COBLL1: variants seen among roughly 807,000 people sequenced by gnomAD.
COBLL1 encodes the protein cordon-bleu protein-like 1.
COBLL1 carries 50 observed loss-of-function variants against 94.8 expected under a neutral mutation model. The observed-to-expected ratio is 0.53, with a 90% CI of 0.42 to 0.67. The LOEUF is 0.67. Ranked by LOEUF, COBLL1 falls within the 30% of genes least tolerant of loss-of-function variation. The probability of loss-of-function intolerance (pLI) is 0.00; values close to 1 mark genes in which losing one functional copy is unlikely to be tolerated. For missense variants in COBLL1, 1,362 were observed against 1,348.7 expected (o/e 1.01, Z -0.15); for synonymous variants, 448 against 473.8 (o/e 0.95, Z 0.71).
At chr2:164,663,152 T>C (rs1691098362) in intron 2 of COBLL1, among the ~76,000 whole-genome samples, 1 of 152,204 alleles carries the variant, frequency 6.6e-6, no homozygotes, top group African/African-American at 2.4e-5. Context: ...CTTCGTTTAA[T>C]ATTCTGAGGG....
intron 2 of COBLL1, among the ~76,000 whole-genome samples, chr2:164,826,938 GGTTTTTT>G (rs1374808979): frequency 3.3e-5 from 5 of 150,660 alleles, no homozygotes; most frequent in African/African-American, 9.7e-5. Flanking sequence ...TTGTTTTGTG[GGTTTTTT>G]GTTTTTTGTT....
chr2:164,824,020 C>T (rs1685311201), intron 2 of COBLL1, among the ~76,000 whole-genome samples: 1 of 151,918 alleles, frequency 6.6e-6, no homozygotes, highest in Non-Finnish European at 1.5e-5. Context: ...TTAAAATAGC[C>T]TATAATATAA....
In COBLL1 at chr2:164,682,367, C is replaced by T. The variant is rs1683079022; in HGVS notation, c.*3579G>A. ...AAAATGATGAGTTTGATTCTTAGTT[C>T]TTTGATACTTATTTTCTCTACTGGT... On this transcript the variant is annotated 3_prime_UTR_variant, in exon 14 of 14. Transcript: ENST00000652658. The T allele has an allele frequency of 6.6e-6, 1 of 152,132 alleles. No homozygotes were observed. The highest frequency in any genetic ancestry group is 1.9e-4 in the East Asian group (1 of 5,204). The allele number at this position is 152,132 out of a possible 1,614,324, so 9.4% of individuals were successfully genotyped here.
At chr2:164,676,688 T>TCCCCCC (rs199604109), downstream of COBLL1, among the ~76,000 whole-genome samples, 1 of 149,386 alleles carries the variant, frequency 6.7e-6, no homozygotes, top group African/African-American at 2.5e-5. Context: ...TTTTTTTTTT[T>TCCCCCC]CCCCCCCTTT....
In COBLL1 at chr2:164,774,667, C is replaced by T. The variant is rs949919638; in HGVS notation, c.42-30792G>A. On this transcript the variant is annotated intron_variant, in intron 2 of 13. Coordinates refer to ENST00000652658, the MANE Select transcript of COBLL1 (RefSeq NM_001365672.2). ...CTGTGACTGGCACTTGCTTTCTAGC[C>T]TTGACTGTCTCTTATACAGCTCTAC... Among the ~76,000 whole-genome samples the T allele has an allele frequency of 2.0e-5, 3 of 152,118 alleles. No homozygotes were observed. In the East Asian group the frequency reaches 5.8e-4, roughly 29 times the overall value.
intron 12 of COBLL1, among the ~76,000 whole-genome samples, chr2:164,693,213 A>G (rs995128070): frequency 2.0e-5 from 3 of 152,176 alleles, no homozygotes; most frequent in African/African-American, 7.2e-5. Context: ...CTATTCCAAG[A>G]AAAATCACAG....
intron 9 of COBLL1, among the ~76,000 whole-genome samples, chr2:164,702,132 AAT>A (rs1032472142): frequency 6.6e-6 from 1 of 152,170 alleles, no homozygotes; most frequent in Non-Finnish European, 1.5e-5. Flanking sequence ...CTCAATAAAA[AAT>A]ATTTTAAAAT....
At chr2:164,838,733 G>T (rs1018261858) in intron 2 of COBLL1, among the ~76,000 whole-genome samples, 8 of 152,164 alleles carry the variant, frequency 5.3e-5, no homozygotes, top group Non-Finnish European at 1.2e-4. Flanking sequence ...GAAAATTACA[G>T]AGGAATTCTT....
chr2:164,695,339 G>T lies in COBLL1; in HGVS notation c.2053C>A (p.Leu685Ile), dbSNP rs1328647528. The T allele has an allele frequency of 6.2e-7, 1 of 1,613,838 alleles. No homozygotes were observed. The highest frequency in any genetic ancestry group is 1.3e-5 in the African/African-American group (1 of 74,876). Residue 685 changes from leucine (L) to isoleucine (I), a missense_variant, in exon 12 of 14, where the codon CTT becomes ATT. Transcript: ENST00000652658. ...DPICAHGNDD[L>I]LPPVDRIDKN... The stretch of plus-strand genomic sequence containing the variant: ...TCAATCCTATCTACAGGAGGCAAAA[G>T]ATCATCATTACCATGTGCACAAATT...
chr2:164,700,544 CT>C lies in COBLL1; in HGVS notation c.1437del (p.Glu480LysfsTer13). 6.2e-7 allele frequency: 1 copy of C among 1,613,268 alleles called. No homozygotes were observed. Among genetic ancestry groups the C allele is most frequent in the Non-Finnish European group, 8.5e-7 (1 of 1,179,428 alleles). On this transcript the variant is annotated frameshift_variant, in exon 10 of 14. Transcript: ENST00000652658. LOFTEE classifies it high-confidence loss of function. ...EFSQNSMEEK[Q>X]ETKSTDGQEP... ...TACTGTCCATCTGTGCTTTTAGTTT[CT>C]TGTTTTTCTTCCATGGAGTTTTGTG...
At chr2:164,794,120 A>C (rs1683320183) in intron 2 of COBLL1, among the ~76,000 whole-genome samples, 1 of 152,218 alleles carries the variant, frequency 6.6e-6, no homozygotes, top group Non-Finnish European at 1.5e-5. Context: ...CTCTTTGTTA[A>C]GAAAAAGAAT....
intron 2 of COBLL1, among the ~76,000 whole-genome samples, chr2:164,761,878 A>G (rs1687700172): frequency 6.6e-6 from 1 of 152,206 alleles, no homozygotes; most frequent in Admixed American, 6.5e-5. Context: ...AGGCAGCTCT[A>G]TGCCAAGTAC....
At chr2:164,785,987 T>C (rs566627508) in intron 2 of COBLL1, among the ~76,000 whole-genome samples, 1 of 151,920 alleles carries the variant, frequency 6.6e-6, no homozygotes, top group South Asian at 2.1e-4. Context: ...GGAATTGAAA[T>C]GAAGCAGTCA....
At chr2:164,808,555 A>T (rs866097633) in intron 2 of COBLL1, among the ~76,000 whole-genome samples, 1 of 152,216 alleles carries the variant, frequency 6.6e-6, no homozygotes, top group African/African-American at 2.4e-5. Context: ...GTTAAATAAA[A>T]ATTGATAAGG....
At position 164,705,074 on chromosome 2, in the gene COBLL1, C is replaced by G. The variant is rs1186494209; in HGVS notation, c.1028G>C (p.Gly343Ala). ...SPCEAGRVRA[G>A]SLQLSSMSAG... ...AGACATGCTGCTGAGCTGCAGTGAA[C>G]CTGCCCTCACTCTTCCTGCTTCACA... Residue 343 changes from glycine (G) to alanine (A), a missense_variant, in exon 8 of 14, where the codon GGT (glycine) becomes GCT (alanine). Coordinates refer to ENST00000652658, the MANE Select transcript of COBLL1 (RefSeq NM_001365672.2). 1 of 1,570,772 alleles carries G rather than the reference C, an allele frequency of 6.4e-7. No individual in the cohort carries two copies. The highest frequency in any genetic ancestry group is 2.3e-5 in the East Asian group (1 of 42,992).
intron 3 of COBLL1, among the ~76,000 whole-genome samples, chr2:164,742,547 CCA>C (rs1262719295): frequency 6.6e-6 from 1 of 152,018 alleles, no homozygotes; most frequent in Non-Finnish European, 1.5e-5. Context: ...TGGGAGCCTA[CCA>C]CAGACAATTT....
intron 2 of COBLL1, among the ~76,000 whole-genome samples, chr2:164,804,783 A>T (rs137938560): frequency 1.8e-3 from 280 of 152,294 alleles, no homozygotes; most frequent in Non-Finnish European, 1.7e-3. Flanking sequence ...ATACTGAAAG[A>T]TGCTAACTAC....
intron 2 of COBLL1, among the ~76,000 whole-genome samples, chr2:164,775,526 G>C (rs1688422047): frequency 6.6e-6 from 1 of 152,102 alleles, no homozygotes; most frequent in Non-Finnish European, 1.5e-5. Context: ...GCAGTGGTGT[G>C]ACTTTGGCTC....
chr2:164,798,843 C>T (rs931736970), intron 2 of COBLL1, among the ~76,000 whole-genome samples: 2 of 151,658 alleles, frequency 1.3e-5, no homozygotes, highest in African/African-American at 4.8e-5. Flanking sequence ...CACGGTGAAA[C>T]CCCGTCTCTA....
Sources: allele counts gnomAD v4.1 joint callset (sites outside exome capture counted in the v4.1 genomes callset), GRCh38; gene constraint gnomAD v4.1.1; transcripts MANE v1.5; gene names NCBI Gene and HGNC (gene_info 2026-07-23, HGNC 2026-07-21).